The following LRBA variants were observed in gnomAD, a reference collection of about 807,000 sequenced individuals.
LRBA encodes lipopolysaccharide-responsive and beige-like anchor protein.
Under a neutral mutation model 330.0 loss-of-function variants are expected in LRBA, and 176 were observed. The ratio of observed to expected loss-of-function variants is 0.53; its 90% CI spans 0.47 to 0.60. The LOEUF (loss-of-function observed/expected upper bound fraction) is 0.60. Ranked by LOEUF, LRBA falls within the 20% of genes least tolerant of loss-of-function variation. The pLI is 0.00. For missense variants in LRBA, 3,259 were observed against 3,444.8 expected (o/e 0.95, Z 1.35); for synonymous variants, 1,230 against 1,193.0 (o/e 1.03, Z -0.64).
intron 2 of LRBA, among the ~76,000 whole-genome samples, chr4:151,012,128 G>A (rs1306642492): frequency 6.6e-6 from 1 of 152,110 alleles, no homozygotes; most frequent in Non-Finnish European, 1.5e-5. Context: ...GAAGAGGAGG[G>A]TAACTAACTG....
chr4:150,963,321 G>A (rs1272759385), intron 2 of LRBA, among the ~76,000 whole-genome samples: 1 of 149,290 alleles, frequency 6.7e-6, no homozygotes, highest in African/African-American at 2.6e-5. Flanking sequence ...GAGTGCCTGG[G>A]ATTGCAGGCA....
At chr4:150,735,410 A>G (rs1731056357) in intron 35 of LRBA, 44 bp from the exon 36 acceptor site, 1 of 1,232,130 alleles carries the variant, frequency 8.1e-7, no homozygotes. Flanking sequence ...GTATACACAC[A>G]CAACATAAAT....
chr4:150,519,813 C>A (rs2152161956), intron 40 of LRBA, among the ~76,000 whole-genome samples: 1 of 152,290 alleles, frequency 6.6e-6, no homozygotes, highest in South Asian at 2.1e-4. Flanking sequence ...ACACTCCCAT[C>A]TGCAATTGAT....
intron 47 of LRBA, among the ~76,000 whole-genome samples, chr4:150,399,398 T>C (rs191914601): frequency 1.4e-3 from 212 of 152,330 alleles, no homozygotes; most frequent in African/African-American, 4.8e-3. Flanking sequence ...AGCATTTTGG[T>C]TCTCTTCTGA....
intron 46 of LRBA, among the ~76,000 whole-genome samples, chr4:150,418,560 A>G (rs1748115890): frequency 6.6e-6 from 1 of 152,222 alleles, no homozygotes; most frequent in Non-Finnish European, 1.5e-5. Flanking sequence ...CTAAGGAAAC[A>G]TTTTATGTAA....
chr4:150,484,119 C>CAGG (rs1561240867), intron 42 of LRBA, among the ~76,000 whole-genome samples: 4 of 151,952 alleles, frequency 2.6e-5, no homozygotes, highest in Non-Finnish European at 5.9e-5. Context: ...CCTTTCCAAT[C>CAGG]AGGATGTCTG....
At chr4:150,508,739 A>C (rs1280904474) in intron 40 of LRBA, among the ~76,000 whole-genome samples, 2 of 152,220 alleles carry the variant, frequency 1.3e-5, no homozygotes, top group Non-Finnish European at 2.9e-5. Flanking sequence ...AACTGAGAGA[A>C]CTGAAAGAAG....
chr4:151,005,165 G>A (rs1198564904), intron 2 of LRBA, among the ~76,000 whole-genome samples: 1 of 151,860 alleles, frequency 6.6e-6, no homozygotes, highest in Non-Finnish European at 1.5e-5. Context: ...ACCCTGTAAT[G>A]GCCGGGCACG....
intron 37 of LRBA, among the ~76,000 whole-genome samples, chr4:150,633,222 AAATGAG>A (rs1249675363): frequency 6.6e-6 from 1 of 152,244 alleles, no homozygotes; most frequent in Non-Finnish European, 1.5e-5. Flanking sequence ...CTTACCTATA[AAATGAG>A]AATAACAATA....
At chr4:150,630,351 C>T (rs1177192708) in intron 37 of LRBA, among the ~76,000 whole-genome samples, 1 of 151,030 alleles carries the variant, frequency 6.6e-6, no homozygotes, top group Non-Finnish European at 1.5e-5. Context: ...AGCACTACAT[C>T]CCTTACAGCA....
At position 150,970,586 on chromosome 4, in the gene LRBA, CAA is replaced by C. The variant is rs1257521184; in HGVS notation, c.217-41523_217-41522del. On this transcript the variant is annotated intron_variant, in intron 2 of 56. Transcript: ENST00000651943. ...ACACACACACACACACACACACACACAAAAGTATACTGTAAATGTAACTCATA... is the reference window on the plus strand; with the variant it reads ...ACACACACACACACACACACACACACAAGTATACTGTAAATGTAACTCATA... 3 of 133,476 alleles carry C rather than the reference CAA, an allele frequency of 2.2e-5. No homozygotes were observed. In the East Asian group the frequency reaches 7.0e-4, roughly 31 times the overall value. 8.3% of individuals were successfully genotyped at this position (133,476 alleles called of 1,614,324 possible).
chr4:150,949,278 A>G (rs1438378566), intron 2 of LRBA, among the ~76,000 whole-genome samples: 1 of 152,110 alleles, frequency 6.6e-6, no homozygotes, highest in Non-Finnish European at 1.5e-5. Context: ...GGAACAAACT[A>G]TTGACACACA....
At chr4:150,635,857 C>G (rs1777844147) in intron 37 of LRBA, among the ~76,000 whole-genome samples, 1 of 152,142 alleles carries the variant, frequency 6.6e-6, no homozygotes, top group Non-Finnish European at 1.5e-5. Context: ...GTTATTATGT[C>G]TCTTTATTCT....
chr4:150,401,963 G>A (rs1745527067), intron 47 of LRBA, among the ~76,000 whole-genome samples: 1 of 151,542 alleles, frequency 6.6e-6, no homozygotes, highest in African/African-American at 2.4e-5. Context: ...AAAGAGGGAG[G>A]GAAAAAGGTT....
At position 150,590,793 on chromosome 4, in the gene LRBA, T is replaced by C. The variant is rs1235403201; in HGVS notation, c.6113A>G (p.Asn2038Ser). 4 of 1,613,662 alleles carry C rather than the reference T, an allele frequency of 2.5e-6. No individual in the cohort carries two copies. The highest frequency in any genetic ancestry group is 2.2e-5 in the East Asian group (1 of 44,874). Residue 2038 changes from asparagine to serine, a missense_variant, in exon 39 of 57, where the codon AAC becomes AGC. Physicochemically the swap from Asn to Ser is conservative, Grantham distance 46. Coordinates refer to ENST00000651943, the MANE Select transcript of LRBA (RefSeq NM_001364905.1). ...TTCCAGGAGGATCTCGTTTTCTGAG[T>C]TCTGATTTCCTAAAGCCTGACTCCT... is the stretch of plus-strand genomic sequence containing the variant. Reference protein sequence around the residue: ...SIRSQALGNQNSENEILLEGD... With the variant: ...SIRSQALGNQSSENEILLEGD...
chr4:150,889,959 G>T (rs184294189), intron 17 of LRBA, among the ~76,000 whole-genome samples: 47 of 152,088 alleles, frequency 3.1e-4, no homozygotes, highest in Admixed American at 2.0e-3. Flanking sequence ...GTCAGCCAAA[G>T]AAAGCAATAA....
intron 46 of LRBA, chr4:150,422,496 C>T: frequency 3.5e-6 from 1 of 284,104 alleles, no homozygotes; most frequent in Middle Eastern, 1.1e-3. Context: ...CTGCCTTCAA[C>T]ATAACTCCAG....
chr4:150,631,957 G>A (rs1003448264), intron 37 of LRBA, among the ~76,000 whole-genome samples: 7 of 152,174 alleles, frequency 4.6e-5, no homozygotes, highest in African/African-American at 1.4e-4. Flanking sequence ...TGGGCTGGGC[G>A]TGGTGGCTCA....
intron 29 of LRBA, 95 bp downstream of exon 29, chr4:150,831,722 A>C: frequency 1.0e-6 from 1 of 985,188 alleles, no homozygotes; most frequent in Admixed American, 2.9e-5. Context: ...TTTGCACAGA[A>C]ATGGATTTAA....
Sources: gnomAD v4.1 joint callset for allele counts (sites outside exome capture counted in the v4.1 genomes callset) on GRCh38, gnomAD v4.1.1 for gene constraint, MANE v1.5 for transcripts, NCBI Gene and HGNC (gene_info 2026-07-23, HGNC 2026-07-21) for gene names.